STXBP5L: variants seen among roughly 807,000 people sequenced by gnomAD.
STXBP5L encodes syntaxin binding protein 5L.
A neutral mutation model predicts 144.5 loss-of-function variants in STXBP5L; 65 were observed. The observed-to-expected ratio is 0.45, with a 90% CI of 0.37 to 0.55. STXBP5L has a LOEUF of 0.55. Among genes scored for constraint, STXBP5L ranks in the 20% least tolerant of loss-of-function variants. The probability of loss-of-function intolerance (pLI) is 0.00; values close to 1 mark genes in which losing one functional copy is unlikely to be tolerated. For missense variants in STXBP5L, 1,298 were observed against 1,405.5 expected, an observed-to-expected ratio of 0.92 and a Z score of 1.22; for synonymous variants, 505 against 469.6, an observed-to-expected ratio of 1.08 and a Z score of -0.97.
chr3:120,940,818 A>G (rs1286665371), intron 2 of STXBP5L, among the ~76,000 whole-genome samples: 2 of 151,684 alleles, frequency 1.3e-5, no homozygotes, highest in Non-Finnish European at 3.0e-5. Context: ...CTGTCACTAT[A>G]TATTGGTATG....
At chr3:121,115,106 C>A (rs1460631535) in intron 6 of STXBP5L, 47 bp downstream of exon 6, 5 of 1,555,118 alleles carry the variant, frequency 3.2e-6, no homozygotes, top group Non-Finnish European at 4.4e-6. Flanking sequence ...ATACTTCATA[C>A]AGTTATGTAA....
intron 20 of STXBP5L, among the ~76,000 whole-genome samples, chr3:121,375,937 T>A (rs2046170730): frequency 6.6e-6 from 1 of 152,214 alleles, no homozygotes; most frequent in Admixed American, 6.5e-5. Context: ...TCAAATATAA[T>A]TTGTTAGCAT....
At chr3:121,139,789 C>A (rs999101288) in intron 7 of STXBP5L, among the ~76,000 whole-genome samples, 15 of 151,908 alleles carry the variant, frequency 9.9e-5, no homozygotes, top group African/African-American at 3.4e-4. Flanking sequence ...TACTTAGTAG[C>A]AGAATAGTTA....
intron 5 of STXBP5L, among the ~76,000 whole-genome samples, chr3:121,065,549 T>A (rs1267517056): frequency 2.0e-5 from 3 of 152,258 alleles, no homozygotes; most frequent in Non-Finnish European, 4.4e-5. Context: ...AGACTAGTCA[T>A]AGCTTAGTTG....
At chr3:121,197,288 G>T (rs9850853) in intron 9 of STXBP5L, among the ~76,000 whole-genome samples, 4 of 152,014 alleles carry the variant, frequency 2.6e-5, no homozygotes, top group African/African-American at 9.7e-5. Context: ...GATACTATTT[G>T]CTTGTTTTGT....
intron 20 of STXBP5L, among the ~76,000 whole-genome samples, chr3:121,334,162 C>T (rs952770157): frequency 7.9e-5 from 12 of 152,100 alleles, no homozygotes; most frequent in African/African-American, 1.7e-4. Flanking sequence ...GAAGCTTCCC[C>T]GGCCATGTGG....
intron 20 of STXBP5L, among the ~76,000 whole-genome samples, chr3:121,325,756 A>G (rs988605221): frequency 6.6e-6 from 1 of 152,010 alleles, no homozygotes; most frequent in African/African-American, 2.4e-5. Flanking sequence ...CAACATTTGT[A>G]TAGTACTTTA....
chr3:120,935,069 G>C (rs1015250948), intron 2 of STXBP5L, among the ~76,000 whole-genome samples: 1 of 150,510 alleles, frequency 6.6e-6, no homozygotes, highest in African/African-American at 2.4e-5. Context: ...TGTTCTTTCT[G>C]GTTTTTTTTT....
intron 2 of STXBP5L, among the ~76,000 whole-genome samples, chr3:120,950,499 T>C (rs1241448739): frequency 2.0e-5 from 3 of 152,076 alleles, no homozygotes; most frequent in Non-Finnish European, 2.9e-5. Flanking sequence ...TTATTATGAG[T>C]CTCTTGGATA....
chr3:121,179,633 A>G (rs763923436), intron 9 of STXBP5L, among the ~76,000 whole-genome samples: 1 of 152,164 alleles, frequency 6.6e-6, no homozygotes, highest in Non-Finnish European at 1.5e-5. Context: ...TTATTGAGCT[A>G]CTCAAGGAAA....
chr3:121,328,423 G>T (rs2044218800), intron 20 of STXBP5L, among the ~76,000 whole-genome samples: 1 of 152,162 alleles, frequency 6.6e-6, no homozygotes, highest in Non-Finnish European at 1.5e-5. Context: ...GTTGAGTCAT[G>T]ATTTGAATCC....
chr3:121,216,510 G>A (rs978317937), intron 10 of STXBP5L, among the ~76,000 whole-genome samples: 1 of 152,156 alleles, frequency 6.6e-6, no homozygotes, highest in African/African-American at 2.4e-5. Flanking sequence ...ATCACCACGG[G>A]AGTCTGCAGA....
chr3:121,418,690 C>G (rs561017687), intron 26 of STXBP5L, 133 bp downstream of exon 26: 26 of 889,826 alleles, frequency 2.9e-5, no homozygotes, highest in East Asian at 2.7e-4. Context: ...TAGATCTCTT[C>G]TAAGTATTAT....
At chr3:121,397,835 A>G (rs576612835) in intron 22 of STXBP5L, among the ~76,000 whole-genome samples, 11 of 152,344 alleles carry the variant, frequency 7.2e-5, no homozygotes, top group African/African-American at 2.6e-4. Context: ...AACTACTTTG[A>G]TATACATCAG....
intron 22 of STXBP5L, among the ~76,000 whole-genome samples, chr3:121,383,956 G>T (rs2046372223): frequency 6.6e-6 from 1 of 152,162 alleles, no homozygotes; most frequent in African/African-American, 2.4e-5. Flanking sequence ...TGTCAGTGCT[G>T]AAGTGAGTGA....
intron 3 of STXBP5L, among the ~76,000 whole-genome samples, chr3:120,993,122 C>T (rs1943060292): frequency 1.3e-5 from 2 of 152,016 alleles, no homozygotes; most frequent in South Asian, 4.1e-4. Context: ...CTGCCCTGGT[C>T]TTTTGCCCAG....
intron 18 of STXBP5L, among the ~76,000 whole-genome samples, chr3:121,259,482 C>T (rs1361767682): frequency 6.6e-6 from 1 of 151,848 alleles, no homozygotes; most frequent in Non-Finnish European, 1.5e-5. Flanking sequence ...TTTCTTTTGA[C>T]TTATCCTTTA....
At chr3:121,132,005 G>A (rs73189348) in intron 7 of STXBP5L, among the ~76,000 whole-genome samples, 5,411 of 152,256 alleles carry the variant, frequency 0.036, 147 homozygotes, top group Middle Eastern at 0.082. Context: ...CTAGGTTGCA[G>A]CTTCACCTAA....
At chr3:121,364,516 A>T (rs541740739) in intron 20 of STXBP5L, among the ~76,000 whole-genome samples, 111 of 151,282 alleles carry the variant, frequency 7.3e-4, no homozygotes, top group Non-Finnish European at 1.3e-3. Flanking sequence ...TAGAGGTTGC[A>T]TTGAATCCAT....
Sources: allele counts gnomAD v4.1 joint callset (sites outside exome capture counted in the v4.1 genomes callset), GRCh38; gene constraint gnomAD v4.1.1; transcripts MANE v1.5; gene names NCBI Gene and HGNC (gene_info 2026-07-23, HGNC 2026-07-21).